The following SMYD5 variants were observed in gnomAD, a reference collection of about 807,000 sequenced individuals.
SMYD5 encodes the protein SMYD family member 5.
In SMYD5, 35 loss-of-function variants were observed where a neutral mutation model predicts 57.4. The observed-to-expected ratio is 0.61, with a 90% CI of 0.47 to 0.81. The LOEUF is 0.81. Among genes scored for constraint, SMYD5 ranks in the 30% least tolerant of loss-of-function variants. The pLI is 0.00. For missense variants in SMYD5, 471 were observed against 527.9 expected, an observed-to-expected ratio of 0.89 and a Z score of 1.06; for synonymous variants, 198 against 189.7, an observed-to-expected ratio of 1.04 and a Z score of -0.36.
chr2:73,226,124 C>T lies in SMYD5; in HGVS notation c.*178C>T. ...TCTGGCCCCAACCCCCACCAGACCT[C>T]ATGCCCTGGACACTGCTGCTGAGTT... On this transcript the variant is annotated 3_prime_UTR_variant, in exon 13 of 13. Coordinates refer to ENST00000389501, the MANE Select transcript of SMYD5 (RefSeq NM_006062.3). 4.8e-6 allele frequency: 4 copies of T among 830,722 alleles called. No homozygotes were observed. Among genetic ancestry groups the T allele is most frequent in the Middle Eastern group, 3.6e-4 (1 of 2,748 alleles). 51.5% of individuals were successfully genotyped at this position (830,722 alleles called of 1,614,324 possible).
intron 8 of SMYD5, 43 bp from the exon 9 acceptor site, chr2:73,223,383 G>C (rs778647234): frequency 1.5e-6 from 2 of 1,364,086 alleles, no homozygotes; most frequent in South Asian, 1.2e-5. Context: ...CCTGTGACCT[G>C]GGCTTCTGCC....
At chr2:73,216,863 C>A (rs1574339258) in intron 1 of SMYD5, among the ~76,000 whole-genome samples, 1 of 152,204 alleles carries the variant, frequency 6.6e-6, no homozygotes, top group South Asian at 2.1e-4. Context: ...GCCACCATAC[C>A]CGGCCTGCAC....
rs541484863 is a variant in SMYD5, at chr2:73,216,707, A to G, written c.97-2154A>G. 7.2e-5 allele frequency among the ~76,000 whole-genome samples: 11 copies of G among 152,234 alleles called. No homozygotes were observed. In the South Asian group the frequency reaches 2.3e-3, roughly 32 times the overall value. On this transcript the variant is annotated intron_variant, in intron 1 of 12. Coordinates refer to ENST00000389501, the MANE Select transcript of SMYD5 (RefSeq NM_006062.3). Reference sequence around the variant, plus strand: ...GAGACTCCATCTCAACAACAACAACAAAAATCTATTACATAGTCTTAAGAG... The same window carrying G: ...GAGACTCCATCTCAACAACAACAACGAAAATCTATTACATAGTCTTAAGAG...
chr2:73,224,162 G>A (rs1324058248), intron 10 of SMYD5, among the ~76,000 whole-genome samples, 159 bp downstream of exon 10: 1 of 152,154 alleles, frequency 6.6e-6, no homozygotes. Context: ...ATTCCCCTGG[G>A]CCTTTTTGTT....
chr2:73,225,922 G>T lies in SMYD5; in HGVS notation c.1233G>T (p.Leu411=), dbSNP rs779067469. 2 of 1,614,042 alleles carry T rather than the reference G, an allele frequency of 1.2e-6. No homozygotes were observed. The highest frequency in any genetic ancestry group is 2.2e-5 in the South Asian group (2 of 91,070). Residue 411 remains leucine (L), a synonymous_variant, in exon 13 of 13, where the codon CTG becomes CTT. Transcript: ENST00000389501. ...AAGGAGAGCCAGAAGATGCAGAGCT[G>T]GGGGATGAGATGACTGATGTGTGAT... is the stretch of plus-strand genomic sequence containing the variant. ...EEEGEPEDAE[L]GDEMTDV
chr2:73,221,969 A>G lies in SMYD5; in HGVS notation c.642+39A>G, dbSNP rs567324468. 9 of 1,265,660 alleles carry G rather than the reference A, an allele frequency of 7.1e-6. No individual in the cohort carries two copies. In the East Asian group the frequency reaches 1.6e-4, roughly 23 times the overall value. 78.4% of individuals were successfully genotyped at this position (1,265,660 alleles called of 1,614,324 possible). A position where few individuals can be genotyped will look rare whatever the true frequency, so the allele number is the denominator to read the frequency against. ...CGTGGCCTGTCTCCTTCCCTCCCCA[A>G]ATATCCTAGGATGTCTCTGGCCAGC... On this transcript the variant is annotated intron_variant, in intron 6 of 12. Transcript: ENST00000389501.
chr2:73,215,451 T>A (rs1686277658), intron 1 of SMYD5, among the ~76,000 whole-genome samples: 1 of 152,182 alleles, frequency 6.6e-6, no homozygotes, highest in Non-Finnish European at 1.5e-5. Context: ...GCCCCCTTTC[T>A]GCTCTAGAGG....
At position 73,220,166 on chromosome 2, in the gene SMYD5, C is replaced by G; in HGVS notation, c.321C>G (p.Leu107=). 1 of 1,614,148 alleles carries G rather than the reference C, an allele frequency of 6.2e-7. No individual in the cohort carries two copies. Among genetic ancestry groups the G allele is most frequent in the Non-Finnish European group, 8.5e-7 (1 of 1,180,020 alleles). ...AGCTGTGCACTGTGCGCAAAGACCT[C>G]CACCAGAACTGTCCCCATTGCCAAG... The part of the protein sequence containing the change: ...HPELCTVRKD[L]HQNCPHCQVM... The change falls in exon 3 of 13, where the codon CTC becomes CTG. Residue 107 remains leucine, a synonymous_variant. Coordinates refer to ENST00000389501, the MANE Select transcript of SMYD5 (RefSeq NM_006062.3).
chr2:73,221,123 A>C (rs1200745033), intron 4 of SMYD5, 42 bp from the exon 5 acceptor site: 5 of 1,558,786 alleles, frequency 3.2e-6, no homozygotes, highest in Non-Finnish European at 4.4e-6. Flanking sequence ...CTCAGCTACT[A>C]GGGAGAGAAT....
Position 73,222,837 on chromosome 2 carries a change from G to A in SMYD5, c.705+20G>A, listed in dbSNP as rs558751915. ...AGCCAGGTGAGTGAGGAGAGGGTGG[G>A]ACCAGTGGCCTCCTTGTTACTCCAG... On this transcript the variant is annotated intron_variant, in intron 7 of 12. Transcript: ENST00000389501. The A allele has an allele frequency of 8.1e-6, 13 of 1,611,240 alleles. No individual in the cohort carries two copies. In the Admixed American group the frequency reaches 1.7e-4, roughly 21 times the overall value.
Position 73,225,907 on chromosome 2 carries a change from A to G in SMYD5, c.1218A>G (p.Pro406=), listed in dbSNP as rs1487878997. Residue 406 remains proline, a synonymous_variant, in exon 13 of 13, where the codon CCA becomes CCG. Transcript: ENST00000389501. ...EEEEEEEEGE[P]EDAELGDEMT... The stretch of plus-strand genomic sequence containing the variant: ...AGGAGGAGGAGGAGGAAGGAGAGCC[A>G]GAAGATGCAGAGCTGGGGGATGAGA... 6.2e-7 allele frequency: 1 copy of G among 1,614,066 alleles called. No individual in the cohort carries two copies. Among genetic ancestry groups the G allele is most frequent in the East Asian group, 2.2e-5 (1 of 44,900 alleles).
At position 73,224,979 on chromosome 2, in the gene SMYD5, C is replaced by T. The variant is rs201643812; in HGVS notation, c.1035+19C>T. The T allele has an allele frequency of 2.0e-4, 318 of 1,593,394 alleles. 1 individual carries two copies. In the Middle Eastern group the frequency reaches 9.2e-3, roughly 46 times the overall value. On this transcript the variant is annotated intron_variant, in intron 11 of 12. Coordinates refer to ENST00000389501, the MANE Select transcript of SMYD5 (RefSeq NM_006062.3). The stretch of plus-strand genomic sequence containing the variant: ...AGGAGAGGTGAGGGGGACCAGGAAC[C>T]GTCGGGATGGGTGGGCAGTAGGCCT...
intron 4 of SMYD5, among the ~76,000 whole-genome samples, 183 bp from the exon 5 acceptor site, chr2:73,220,982 C>T (rs936843752): frequency 1.3e-5 from 2 of 152,180 alleles, no homozygotes; most frequent in African/African-American, 4.8e-5. Context: ...ATTTAACGCT[C>T]TCCCAGAAAG....
Position 73,219,017 on chromosome 2 carries a change from G to T in SMYD5, c.205+48G>T, listed in dbSNP as rs1291526906. 2.2e-6 allele frequency: 3 copies of T among 1,357,772 alleles called. No homozygotes were observed. The South Asian group carries it at 3.5e-5, about 16-fold the overall frequency. The allele number at this position is 1,357,772 out of a possible 1,614,324, so 84.1% of individuals were successfully genotyped here. On this transcript the variant is annotated intron_variant, in intron 2 of 12. Coordinates refer to ENST00000389501, the MANE Select transcript of SMYD5 (RefSeq NM_006062.3). ...TCATGGCCCAGTCGTCTTTGTGCAT[G>T]GAAGTGAGCTGCATACATCCCTACT...
In SMYD5 at chr2:73,214,313, C is replaced by A. The variant is rs1026360850; in HGVS notation, c.47C>A (p.Ala16Glu). 4 of 1,613,532 alleles carry A rather than the reference C, an allele frequency of 2.5e-6. No individual in the cohort carries two copies. Among genetic ancestry groups the A allele is most frequent in the Non-Finnish European group, 3.4e-6 (4 of 1,179,830 alleles). Residue 16 changes from alanine (A) to glutamate (E), a missense_variant, in exon 1 of 13, where the codon GCG becomes GAG. Transcript: ENST00000389501. ...CDVFSFCVGV[A>E]GRARVSVEVR... ...GTGTTCTCCTTCTGCGTGGGCGTGG[C>A]GGGCCGCGCGCGGGTCTCCGTGGAA...
chr2:73,217,680 T>C (rs968269514), intron 1 of SMYD5, among the ~76,000 whole-genome samples: 44 of 152,204 alleles, frequency 2.9e-4, no homozygotes, highest in African/African-American at 1.0e-3. Flanking sequence ...GGCAACCGTA[T>C]CTGGCCTTCT....
intron 6 of SMYD5, among the ~76,000 whole-genome samples, chr2:73,222,408 C>A (rs927523753): frequency 6.6e-6 from 1 of 152,166 alleles, no homozygotes; most frequent in Non-Finnish European, 1.5e-5. Flanking sequence ...CCCTCTTGCA[C>A]TGAACTTTTA....
intron 1 of SMYD5, chr2:73,214,669 A>G (rs1686259277): frequency 6.9e-7 from 1 of 1,446,826 alleles, no homozygotes; most frequent in African/African-American, 1.4e-5. Flanking sequence ...TATCCCTGGA[A>G]CGGTGGGCGG....
In SMYD5 at chr2:73,222,791, G is replaced by T. The variant is rs1487839656; in HGVS notation, c.679G>T (p.Ala227Ser). Residue 227 changes from alanine (A) to serine (S), a missense_variant, in exon 7 of 13, where the codon GCC becomes TCC. Ala to Ser is a moderately conservative substitution (Grantham distance 99, BLOSUM62 1). Coordinates refer to ENST00000389501, the MANE Select transcript of SMYD5 (RefSeq NM_006062.3). The stretch of plus-strand genomic sequence containing the variant: ...ACTTCTGCGGAGACTCTTCACAGAG[G>T]CCCTCTATGAGGAAGCAGTCAGCCA... ...LELLRRLFTE[A>S]LYEEAVSQWF... 3 of 1,613,646 alleles carry T rather than the reference G, an allele frequency of 1.9e-6. No homozygotes were observed. Among genetic ancestry groups the T allele is most frequent in the Non-Finnish European group, 2.5e-6 (3 of 1,179,840 alleles).
Sources: gnomAD v4.1 joint callset for allele counts (sites outside exome capture counted in the v4.1 genomes callset) on GRCh38, gnomAD v4.1.1 for gene constraint, MANE v1.5 for transcripts, NCBI Gene and HGNC (gene_info 2026-07-23, HGNC 2026-07-21) for gene names.